The following TTN variants were observed in gnomAD, a reference collection of about 807,000 sequenced individuals.
TTN encodes connectin.
A neutral mutation model predicts 3,223.0 loss-of-function variants in TTN; 1,525 were observed. The ratio of observed to expected loss-of-function variants is 0.47; its 90% CI spans 0.45 to 0.49. TTN has a LOEUF of 0.49. Ranked by LOEUF, TTN falls within the 20% of genes least tolerant of loss-of-function variation. TTN has a pLI of 0.00. For synonymous variants in TTN, 14,094 were observed against 15,161.0 expected (o/e 0.93, Z 5.17); for missense variants, 40,786 against 43,424.0 (o/e 0.94, Z 5.40).
Position 178,532,051 on chromosome 2 carries a change from G to T in TTN, c.104564C>A (p.Ser34855Tyr), listed in dbSNP as rs886055222. The T allele has an allele frequency of 4.4e-5, 71 of 1,613,820 alleles. No individual in the cohort carries two copies. Among genetic ancestry groups the T allele is most frequent in the Non-Finnish European group, 5.8e-5 (69 of 1,179,882 alleles). The change falls in exon 358 of 363, where the codon TCT (serine) becomes TAT (tyrosine). Residue 34855 changes from serine to tyrosine, a missense_variant. Transcript: ENST00000589042. Reference sequence around the variant, plus strand: ...TTGTGGACGTGACCGGATCAGCTCAGACACTGGCCTCATTAACTCAATATA... The same window carrying T: ...TTGTGGACGTGACCGGATCAGCTCATACACTGGCCTCATTAACTCAATATA... ...PTYIELMRPV[S>Y]ELIRSRPQPA... is the part of the protein sequence containing the mutation.
intron 233 of TTN, 60 bp from the exon 234 acceptor site, chr2:178,633,104 AATC>A: frequency 6.2e-7 from 1 of 1,600,158 alleles, no homozygotes; most frequent in Non-Finnish European, 8.5e-7. Flanking sequence ...TATTCCTACA[AATC>A]ATCAAGATAT....
intron 47 of TTN, chr2:178,750,445 TG>T: frequency 6.2e-7 from 1 of 1,612,762 alleles, no homozygotes; most frequent in Non-Finnish European, 8.5e-7. Context: ...TTTGATTACG[TG>T]GGATTGGCAT....
In TTN at chr2:178,633,877, T is replaced by C. The variant is rs1447217875; in HGVS notation, c.42622A>G (p.Ile14208Val). The change falls in exon 231 of 363, where the codon ATA (isoleucine) becomes GTA (valine). Residue 14208 changes from isoleucine to valine, a missense_variant. Ile to Val is a conservative substitution (Grantham distance 29). Transcript: ENST00000589042. Reference sequence around the variant, plus strand: ...TTGACTTGAGCTTTTATCTGAGATATATCATCCAATGTCACTTCTTTCATT... The same window carrying C: ...TTGACTTGAGCTTTTATCTGAGATACATCATCCAATGTCACTTCTTTCATT... ...LEMKEVTLDDISQIKAQVKEL... is the reference protein window; with the variant it reads ...LEMKEVTLDDVSQIKAQVKEL... 1 of 1,613,450 alleles carries C rather than the reference T, an allele frequency of 6.2e-7. No homozygotes were observed. The highest frequency in any genetic ancestry group is 1.1e-5 in the South Asian group (1 of 91,076).
rs762097602 is a variant in TTN at position 178,562,122 on chromosome 2, T to A, written c.84010A>T (p.Lys28004Ter). 6.2e-7 allele frequency: 1 copy of A among 1,613,308 alleles called. No individual in the cohort carries two copies. Among genetic ancestry groups the A allele is most frequent in the Admixed American group, 1.7e-5 (1 of 59,942 alleles). The change falls in exon 326 of 363, where the codon AAA becomes TAA. Residue 28004 changes from lysine to a stop codon, truncating the protein, a stop_gained. Transcript: ENST00000589042. LOFTEE classifies it high-confidence loss of function. ...GAAACATTGACTCTAGTTGTCTCTT[T>A]AAGAGTCTGACCATCTTTTCTCCAG... is the stretch of plus-strand genomic sequence containing the variant. ...VNWRKDGQTLKETTRVNVSSS... is the reference protein window; with the variant it reads ...VNWRKDGQTL
Position 178,669,673 on chromosome 2 carries a change from G to A in TTN, c.35389C>T (p.Pro11797Ser), listed in dbSNP as rs781150596. ...GGGACAATTTTCTTGGGTACTTCGG[G>A]TGCTTTAAAGATATTTATTTATCTT... ...EEPRVPPTKA[P>S]EVPKKIVPEE... The change falls in exon 158 of 363, where the codon CCC becomes TCC. Residue 11797 changes from proline (P) to serine (S), a missense_variant and splice_region_variant. Pro to Ser is a moderately conservative substitution (Grantham distance 74). Coordinates refer to ENST00000589042, the MANE Select transcript of TTN (RefSeq NM_001267550.2). 57 of 1,611,574 alleles carry A rather than the reference G, an allele frequency of 3.5e-5. No homozygotes were observed. The highest frequency in any genetic ancestry group is 1.6e-4 in the Middle Eastern group (1 of 6,078).
chr2:178,724,177 T>G lies in TTN; in HGVS notation c.21116-34A>C, dbSNP rs765780108. Reference sequence around the variant, plus strand: ...GGAAAGGTAAGAGACTCATCATGATTTGAAAGAATAGAAGAGACTTGAAAG... The same window carrying G: ...GGAAAGGTAAGAGACTCATCATGATGTGAAAGAATAGAAGAGACTTGAAAG... On this transcript the variant is annotated intron_variant, in intron 72 of 362. Coordinates refer to ENST00000589042, the MANE Select transcript of TTN (RefSeq NM_001267550.2). 7 of 1,588,016 alleles carry G rather than the reference T, an allele frequency of 4.4e-6. No homozygotes were observed. The South Asian group carries it at 8.1e-5, about 18-fold the overall frequency.
intron 29 of TTN, 23 bp downstream of exon 29, chr2:178,774,898 T>C (rs1315357332): frequency 2.5e-6 from 4 of 1,612,974 alleles, no homozygotes; most frequent in Non-Finnish European, 3.4e-6. Context: ...AGGTAAACAA[T>C]GAAATCCTTC....
chr2:178,688,498 A>G (rs1430088184), intron 126 of TTN, among the ~76,000 whole-genome samples, 179 bp downstream of exon 126: 1 of 152,240 alleles, frequency 6.6e-6, no homozygotes, highest in Non-Finnish European at 1.5e-5. Flanking sequence ...TTCAAGGCCA[A>G]CATAGACACA....
Position 178,722,779 on chromosome 2 carries a change from T to C in TTN, c.22120A>G (p.Thr7374Ala). ...AAAACAAGTGTGGCCACATTGTTTG[T>C]AAAGTAGGTCCTGTATTCAGGAGTT... ...RPTPEYRTYF[T>A]NNVATLVFNK... is the part of the protein sequence containing the mutation. Residue 7374 changes from threonine to alanine, a missense_variant, in exon 76 of 363, where the codon ACA (threonine) becomes GCA (alanine). Transcript: ENST00000589042. 6.2e-7 allele frequency: 1 copy of C among 1,613,338 alleles called. No individual in the cohort carries two copies.
Position 178,793,503 on chromosome 2 carries a change from T to C in TTN, c.1437A>G (p.Val479=). Reference sequence around the variant, plus strand: ...CCTTGGCTTTATCGGCGGCCACTACTACCTTAGTTACAGCAGTCTTCTCCG... The same window carrying C: ...CCTTGGCTTTATCGGCGGCCACTACCACCTTAGTTACAGCAGTCTTCTCCG... ...KEAEKTAVTK[V]VVAADKAKEQ... is the part of the protein sequence containing the mutation. The change falls in exon 9 of 363, where the codon GTA becomes GTG. Residue 479 remains valine (V), a synonymous_variant. Coordinates refer to ENST00000589042, the MANE Select transcript of TTN (RefSeq NM_001267550.2). The C allele has an allele frequency of 1.2e-6, 2 of 1,614,152 alleles. No homozygotes were observed. Among genetic ancestry groups the C allele is most frequent in the Non-Finnish European group, 1.7e-6 (2 of 1,180,020 alleles).
chr2:178,741,618 C>T lies in TTN; in HGVS notation c.11615G>A (p.Gly3872Asp), dbSNP rs751755895. ...CAGAATGATCAGGCTATGATCATCA[C>T]CGTCAAAAACAAATTTGTAGTCAGC... Reference protein sequence around the residue: ...PSADYKFVFDGDDHSLIILFT... With the variant: ...PSADYKFVFDDDDHSLIILFT... Residue 3872 changes from glycine (G) to aspartate (D), a missense_variant, in exon 48 of 363, where the codon GGT (glycine) becomes GAT (aspartate). Physicochemically the swap from Gly to Asp is moderately conservative, Grantham distance 94. Transcript: ENST00000589042. 2 of 1,613,828 alleles carry T rather than the reference C, an allele frequency of 1.2e-6. No individual in the cohort carries two copies. The highest frequency in any genetic ancestry group is 1.3e-5 in the African/African-American group (1 of 75,032).
At position 178,696,178 on chromosome 2, in the gene TTN, A is replaced by G; in HGVS notation, c.30894T>C (p.Ala10298=). ...RKKEVQKEKE[A]VYEKKQAVHK... is the part of the protein sequence containing the mutation. The stretch of plus-strand genomic sequence containing the variant: ...GGACTGCTTGCTTTTTCTCATACAC[A>G]GCTTCTTTTTCTTTCTGAACCTCTT... Residue 10298 remains alanine (A), a synonymous_variant, in exon 114 of 363, where the codon GCT becomes GCC. Transcript: ENST00000589042. 6.4e-7 allele frequency: 1 copy of G among 1,559,128 alleles called. No individual in the cohort carries two copies. The highest frequency in any genetic ancestry group is 8.7e-7 in the Non-Finnish European group (1 of 1,150,154).
In TTN at chr2:178,575,672, G is replaced by C; in HGVS notation, c.70460C>G (p.Thr23487Ser). Residue 23487 changes from threonine to serine, a missense_variant, in exon 326 of 363, where the codon ACT (threonine) becomes AGT (serine). By Grantham distance (58) the Thr-to-Ser change is moderately conservative. Transcript: ENST00000589042. The surrounding 1 kb of genome is among the most constrained non-coding windows in gnomAD (Gnocchi z 4.0). ...TTTATATGTGCATTTATGGCACTTAGTGGTGGCTGTGGAATAAGATTTCCG... is the reference window on the plus strand; with the variant it reads ...TTTATATGTGCATTTATGGCACTTACTGGTGGCTGTGGAATAAGATTTCCG... ...ATRKSYSTAT[T>S]KCHKCTYKVT... 6.2e-7 allele frequency: 1 copy of C among 1,613,602 alleles called. No individual in the cohort carries two copies. The highest frequency in any genetic ancestry group is 8.5e-7 in the Non-Finnish European group (1 of 1,179,658).
At chr2:178,682,460 G>T (rs1203418098) in intron 135 of TTN, among the ~76,000 whole-genome samples, 1 of 151,976 alleles carries the variant, frequency 6.6e-6, no homozygotes, top group Non-Finnish European at 1.5e-5. Flanking sequence ...AATGAGGGGG[G>T]TATTAGATTA....
At chr2:178,774,590 T>A in intron 29 of TTN, 117 bp from the exon 30 acceptor site, 2 of 941,874 alleles carry the variant, frequency 2.1e-6, no homozygotes, top group Non-Finnish European at 3.2e-6. Flanking sequence ...GGTGTATTCT[T>A]AATATCTACC....
In TTN at chr2:178,631,143, T is replaced by G. The variant is rs886042449; in HGVS notation, c.43905A>C (p.Ala14635=). The G allele has an allele frequency of 5.0e-6, 8 of 1,613,368 alleles. No homozygotes were observed. Among genetic ancestry groups the G allele is most frequent in the Non-Finnish European group, 6.8e-6 (8 of 1,179,582 alleles). ...IKPSKNAVIK[A]DGKKRMLILK... ...GGATTAGCATGCGTTTCTTGCCATC[T>G]GCCTTAATAACAGCATTTTTGGATG... is the stretch of plus-strand genomic sequence containing the variant. The change falls in exon 237 of 363, where the codon GCA becomes GCC. Residue 14635 remains alanine, a synonymous_variant. Coordinates refer to ENST00000589042, the MANE Select transcript of TTN (RefSeq NM_001267550.2).
Position 178,593,974 on chromosome 2 carries a change from T to G in TTN, c.58419A>C (p.Gln19473His), listed in dbSNP as rs186563991. The G allele has an allele frequency of 6.2e-7, 1 of 1,613,314 alleles. No individual in the cohort carries two copies. The highest frequency in any genetic ancestry group is 8.5e-7 in the Non-Finnish European group (1 of 1,179,646). Residue 19473 changes from glutamine (Q) to histidine (H), a missense_variant, in exon 297 of 363, where the codon CAA becomes CAC. By Grantham distance (24) the Gln-to-His change is conservative (BLOSUM62 0). Transcript: ENST00000589042. ...AATAAGACTTACCAACAACATTAAC[T>G]TGACAGAAACCTTTCCTAGAGCCTG... Reference protein sequence around the residue: ...NSTGSRKGFCQVNVVDRPGPP... With the variant: ...NSTGSRKGFCHVNVVDRPGPP...
chr2:178,680,222 A>G, intron 139 of TTN, 32 bp downstream of exon 139: 1 of 1,607,910 alleles, frequency 6.2e-7, no homozygotes, highest in South Asian at 1.1e-5. Context: ...GCAAAAGACG[A>G]ACAAAACATT....
In TTN at chr2:178,776,494, A is replaced by G. The variant is rs2092242818; in HGVS notation, c.5370T>C (p.Ala1790=). The G allele has an allele frequency of 6.2e-7, 1 of 1,608,184 alleles. No homozygotes were observed. The highest frequency in any genetic ancestry group is 8.5e-7 in the Non-Finnish European group (1 of 1,179,990). Reference sequence around the variant, plus strand: ...TTTTCTCATCTTTAACAATAAGGGTAGCAGATGTGTGATCTGTTCCATATT... The same window carrying G: ...TTTTCTCATCTTTAACAATAAGGGTGGCAGATGTGTGATCTGTTCCATATT... ...TNKYGTDHTS[A]TLIVKDEKSL... is the part of the protein sequence containing the mutation. The change falls in exon 28 of 363, where the codon GCT becomes GCC. Residue 1790 remains alanine, a synonymous_variant. Coordinates refer to ENST00000589042, the MANE Select transcript of TTN (RefSeq NM_001267550.2).
Sources: gnomAD v4.1 joint callset for allele counts (sites outside exome capture counted in the v4.1 genomes callset) on GRCh38, gnomAD v4.1.1 for gene constraint, Gnocchi (gnomAD v3.1) non-coding constraint, MANE v1.5 for transcripts, NCBI Gene and HGNC (gene_info 2026-07-23, HGNC 2026-07-21) for gene names.